SLC4A4: variants seen among roughly 807,000 people sequenced by gnomAD.
The protein encoded by SLC4A4 is solute carrier family 4 member 4.
A neutral mutation model predicts 111.5 loss-of-function variants in SLC4A4; 27 were observed. The ratio of observed to expected loss-of-function variants is 0.24; its 90% CI spans 0.18 to 0.33. The LOEUF (loss-of-function observed/expected upper bound fraction) is 0.33, where lower values mean the gene tolerates loss of function less well. Ranked by LOEUF, SLC4A4 falls within the 10% of genes least tolerant of loss-of-function variation. SLC4A4 has a pLI of 1.00. For synonymous variants in SLC4A4, 443 were observed against 463.4 expected (o/e 0.96, Z 0.57); for missense variants, 909 against 1,315.5 (o/e 0.69, Z 4.78).
chr4:71,545,567 T>C (rs1735449224), intron 18 of SLC4A4, among the ~76,000 whole-genome samples: 2 of 151,972 alleles, frequency 1.3e-5, no homozygotes, highest in South Asian at 4.1e-4. Flanking sequence ...ATTTAATGAG[T>C]AAAAAAGCTA....
chr4:71,468,556 T>C (rs1727586965), intron 13 of SLC4A4, among the ~76,000 whole-genome samples: 1 of 152,046 alleles, frequency 6.6e-6, no homozygotes, highest in East Asian at 1.9e-4. Flanking sequence ...TGAGAAGCCA[T>C]GCTTTAAATC....
rs752275208 is a variant in SLC4A4 at position 71,450,433 on chromosome 4, G to C, written c.1098G>C (p.Leu366=). The C allele has an allele frequency of 6.2e-7, 1 of 1,612,426 alleles. No homozygotes were observed. Reference sequence around the variant, plus strand: ...ATAAAGCAAAAGACAGGCACGACCTGATTGCTGGTATTGATGAGTTCCTAG... The same window carrying C: ...ATAAAGCAAAAGACAGGCACGACCTCATTGCTGGTATTGATGAGTTCCTAG... The part of the protein sequence containing the change: ...IAYKAKDRHD[L]IAGIDEFLDE... Residue 366 remains leucine, a synonymous_variant, in exon 10 of 26, where the codon CTG becomes CTC. Transcript: ENST00000264485.
intron 1 of SLC4A4, among the ~76,000 whole-genome samples, chr4:71,203,475 A>G (rs893948298): frequency 6.6e-6 from 1 of 152,208 alleles, no homozygotes; most frequent in African/African-American, 2.4e-5. Context: ...GAAGCCAGCC[A>G]CAGTTACTGT....
In SLC4A4 at chr4:71,563,780, A is replaced by G; in HGVS notation, c.3100-13A>G. 1 of 1,551,700 alleles carries G rather than the reference A, an allele frequency of 6.4e-7. No individual in the cohort carries two copies. The highest frequency in any genetic ancestry group is 8.9e-7 in the Non-Finnish European group (1 of 1,123,984). On this transcript the variant is annotated splice_polypyrimidine_tract_variant and intron_variant, in intron 23 of 25. Coordinates refer to ENST00000264485, the MANE Select transcript of SLC4A4 (RefSeq NM_001098484.3). The stretch of plus-strand genomic sequence containing the variant: ...AAAAACATTCTAAAACCTCTTGTAC[A>G]TTTTTTTCACAGTCTGACTGCCCAT...
intron 18 of SLC4A4, among the ~76,000 whole-genome samples, chr4:71,545,975 G>T (rs937733409): frequency 6.6e-6 from 1 of 152,030 alleles, no homozygotes; most frequent in African/African-American, 2.4e-5. Flanking sequence ...AAGATGCTTT[G>T]CCTGTGTTAC....
In SLC4A4 at chr4:71,113,886, T is replaced by G. The variant is rs72858478; in HGVS notation, c.-2+21094T>G. On this transcript the variant is annotated intron_variant, in intron 2 of 26. Transcript: ENST00000649996. ...ATTTTTCCTGTTCCTTTATGGGAGATATCTTTCTATAAACAAAGTAATTAG... is the reference window on the plus strand; with the variant it reads ...ATTTTTCCTGTTCCTTTATGGGAGAGATCTTTCTATAAACAAAGTAATTAG... Among the ~76,000 whole-genome samples the G allele has an allele frequency of 6.3e-3, 954 of 152,358 alleles. 12 individuals carry two copies. The highest frequency in any genetic ancestry group is 0.022 in the African/African-American group (916 of 41,576).
chr4:71,424,718 A>G (rs1371836441), intron 7 of SLC4A4, among the ~76,000 whole-genome samples: 2 of 152,160 alleles, frequency 1.3e-5, no homozygotes, highest in African/African-American at 4.8e-5. Flanking sequence ...GGAAATCATC[A>G]TTCTCAGTAA....
chr4:71,143,584 A>T (rs1462769066), intron 2 of SLC4A4, among the ~76,000 whole-genome samples: 1 of 152,138 alleles, frequency 6.6e-6, no homozygotes, highest in East Asian at 1.9e-4. Context: ...AAGTGTTCCC[A>T]TTTCTCCACA....
intron 2 of SLC4A4, among the ~76,000 whole-genome samples, chr4:71,246,544 G>A (rs1292824058): frequency 6.6e-6 from 1 of 152,190 alleles, no homozygotes; most frequent in Admixed American, 6.5e-5. Context: ...GCATTTGAAT[G>A]ACCCCTGGTA....
At chr4:71,517,011 T>G (rs973287085) in intron 16 of SLC4A4, among the ~76,000 whole-genome samples, 2 of 152,208 alleles carry the variant, frequency 1.3e-5, no homozygotes, top group African/African-American at 4.8e-5. Flanking sequence ...TCTTTTCTCT[T>G]GCTGCTTCAA....
intron 13 of SLC4A4, among the ~76,000 whole-genome samples, chr4:71,468,796 C>T (rs920517185): frequency 2.6e-5 from 4 of 151,720 alleles, no homozygotes; most frequent in Admixed American, 1.3e-4. Context: ...ATATACCCCC[C>T]TCTTGGTAGT....
At chr4:71,397,221 A>C (rs1350451771) in intron 6 of SLC4A4, among the ~76,000 whole-genome samples, 1 of 152,226 alleles carries the variant, frequency 6.6e-6, no homozygotes, top group African/African-American at 2.4e-5. Context: ...GGAAAAGGAA[A>C]GGAAACCAGA....
chr4:71,095,976 G>A (rs573565221), intron 2 of SLC4A4, among the ~76,000 whole-genome samples: 34 of 152,270 alleles, frequency 2.2e-4, no homozygotes, highest in Non-Finnish European at 4.4e-4. Context: ...ACACATTTGA[G>A]CAATTGGAGG....
chr4:71,354,435 C>G (rs1050021126), intron 5 of SLC4A4, among the ~76,000 whole-genome samples: 4 of 152,108 alleles, frequency 2.6e-5, no homozygotes, highest in Non-Finnish European at 5.9e-5. Context: ...TATTACAGAG[C>G]TTTTGTAATT....
intron 3 of SLC4A4, chr4:71,338,955 G>C (rs1399097146): frequency 3.5e-5 from 30 of 851,292 alleles, no homozygotes; most frequent in Non-Finnish European, 4.9e-5. Context: ...GGGATCTCAG[G>C]ATTGGGGTAC....
At position 71,110,198 on chromosome 4, in the gene SLC4A4, C is replaced by T. The variant is rs186297996; in HGVS notation, c.-2+17406C>T. On this transcript the variant is annotated intron_variant, in intron 2 of 26. Coordinates refer to the SLC4A4 transcript ENST00000649996. Reference sequence around the variant, plus strand: ...CCAGCATCCTCTGTGGCCTAGTGTACATTTTAATTTTTATTATTTATTTAT... The same window carrying T: ...CCAGCATCCTCTGTGGCCTAGTGTATATTTTAATTTTTATTATTTATTTAT... Among the ~76,000 whole-genome samples, 55 of 152,092 alleles carry T rather than the reference C, an allele frequency of 3.6e-4. No individual in the cohort carries two copies. The East Asian group carries it at 5.0e-3, about 14-fold the overall frequency.
At chr4:71,124,174 CTTT>C (rs5859248) in intron 2 of SLC4A4, among the ~76,000 whole-genome samples, 28 of 123,030 alleles carry the variant, frequency 2.3e-4, no homozygotes, top group Admixed American at 3.3e-4. Flanking sequence ...TAGGCCCACA[CTTT>C]TTTTTTTTTT....
chr4:71,121,259 C>G (rs979464179), intron 2 of SLC4A4, among the ~76,000 whole-genome samples: 55 of 151,862 alleles, frequency 3.6e-4, no homozygotes, highest in Non-Finnish European at 5.7e-4. Flanking sequence ...GCCCGAGACT[C>G]CCCAATGGGC....
At chr4:71,473,212 TAACTC>T in intron 14 of SLC4A4, 2 of 640,956 alleles carry the variant, frequency 3.1e-6, no homozygotes, top group Non-Finnish European at 5.6e-6. Flanking sequence ...ATTTTGAAAT[TAACTC>T]AAACTGTGGG....
Sources: gnomAD v4.1 joint callset for allele counts (sites outside exome capture counted in the v4.1 genomes callset) on GRCh38, gnomAD v4.1.1 for gene constraint, MANE v1.5 for transcripts, NCBI Gene and HGNC (gene_info 2026-07-23, HGNC 2026-07-21) for gene names.